HCN1: variants seen among roughly 807,000 people sequenced by gnomAD.
HCN1 encodes hyperpolarization activated cyclic nucleotide gated potassium channel 1, also known as potassium/sodium hyperpolarization-activated cyclic nucleotide-gated channel 1.
Under a neutral mutation model 78.9 loss-of-function variants are expected in HCN1, and 13 were observed. The observed-to-expected ratio is 0.16, with a 90% CI of 0.11 to 0.26. The LOEUF is 0.26. Among genes scored for constraint, HCN1 ranks in the 10% least tolerant of loss-of-function variants. HCN1 has a pLI of 1.00. For synonymous variants in HCN1, 552 were observed against 455.5 expected (o/e 1.21, Z -2.70); for missense variants, 810 against 1,154.3 (o/e 0.70, Z 4.32).
At chr5:45,677,241 A>T (rs541018951) in intron 1 of HCN1, among the ~76,000 whole-genome samples, 2 of 151,834 alleles carry the variant, frequency 1.3e-5, no homozygotes, top group African/African-American at 2.4e-5. Context: ...TCTTCCTCAC[A>T]AGATTGGAAG....
At chr5:45,611,057 CTTTTTT>C (rs35729058) in intron 2 of HCN1, among the ~76,000 whole-genome samples, 39 of 142,316 alleles carry the variant, frequency 2.7e-4, no homozygotes, top group Admixed American at 1.3e-3. Flanking sequence ...AAATTCTTTT[CTTTTTT>C]TTTTTTTGAC....
At chr5:45,542,664 G>T (rs374658301) in intron 2 of HCN1, among the ~76,000 whole-genome samples, 1 of 152,092 alleles carries the variant, frequency 6.6e-6, no homozygotes, top group African/African-American at 2.4e-5. Flanking sequence ...CACAACAGGC[G>T]TGAAATTCAC....
chr5:45,459,692 T>C (rs1275460879), intron 3 of HCN1, among the ~76,000 whole-genome samples: 2 of 152,140 alleles, frequency 1.3e-5, no homozygotes, highest in Admixed American at 1.3e-4. Flanking sequence ...ATAGTTATTT[T>C]ACTATATCTA....
intron 2 of HCN1, among the ~76,000 whole-genome samples, chr5:45,481,961 GAAAAACAAACAAA>G (rs1477122935): frequency 2.6e-5 from 3 of 117,570 alleles, no homozygotes; most frequent in South Asian, 2.7e-4. Flanking sequence ...AATCCTAAAA[GAAAAACAAACAAA>G]AAAAACAAAC....
chr5:45,274,218 T>C (rs1745010156), intron 6 of HCN1, among the ~76,000 whole-genome samples: 1 of 152,300 alleles, frequency 6.6e-6, no homozygotes, highest in East Asian at 1.9e-4. Context: ...TCAACTCACA[T>C]AGATACATTC....
chr5:45,391,625 T>A (rs2112035453), intron 4 of HCN1, among the ~76,000 whole-genome samples: 1 of 152,196 alleles, frequency 6.6e-6, no homozygotes. Flanking sequence ...GGAGGCTCCA[T>A]CATCTCCTGA....
At chr5:45,481,581 G>A (rs1464108037) in intron 2 of HCN1, among the ~76,000 whole-genome samples, 6 of 152,160 alleles carry the variant, frequency 3.9e-5, no homozygotes, top group African/African-American at 1.2e-4. Flanking sequence ...GGAAAGGAAC[G>A]TGTACTCTGA....
chr5:45,597,979 G>A (rs1009521447), intron 2 of HCN1, among the ~76,000 whole-genome samples: 1 of 152,080 alleles, frequency 6.6e-6, no homozygotes, highest in African/African-American at 2.4e-5. Context: ...CGTGAAAATG[G>A]CCATACTGCC....
chr5:45,516,054 T>C (rs1742511637), intron 2 of HCN1, among the ~76,000 whole-genome samples: 1 of 151,970 alleles, frequency 6.6e-6, no homozygotes. Flanking sequence ...ATCCCAGCCC[T>C]ATTCTTATTT....
intron 5 of HCN1, among the ~76,000 whole-genome samples, chr5:45,329,282 C>G (rs1387155487): frequency 1.3e-5 from 2 of 151,492 alleles, no homozygotes; most frequent in Admixed American, 6.6e-5. Flanking sequence ...TCCCCAGCCC[C>G]TGGTAACCTC....
chr5:45,320,175 C>T (rs1371902697), intron 5 of HCN1, among the ~76,000 whole-genome samples: 1 of 151,808 alleles, frequency 6.6e-6, no homozygotes. Flanking sequence ...CTTAGACATT[C>T]AAAAGACATC....
intron 6 of HCN1, among the ~76,000 whole-genome samples, chr5:45,290,210 C>A (rs1438905409): frequency 6.6e-6 from 1 of 151,978 alleles, no homozygotes; most frequent in African/African-American, 2.4e-5. Flanking sequence ...GTGAGGACTC[C>A]CCAGCCATGT....
intron 3 of HCN1, among the ~76,000 whole-genome samples, chr5:45,461,246 G>T (rs1348637904): frequency 6.6e-6 from 1 of 151,652 alleles, no homozygotes; most frequent in Non-Finnish European, 1.5e-5. Flanking sequence ...AAATTAAATA[G>T]GAATATACAT....
intron 2 of HCN1, among the ~76,000 whole-genome samples, chr5:45,588,792 G>T (rs1744296178): frequency 6.6e-6 from 1 of 152,092 alleles, no homozygotes; most frequent in South Asian, 2.1e-4. Context: ...GAATAAGAAT[G>T]TCATATAAGC....
At chr5:45,472,873 ATGTAGTCTT>A (rs1472574762) in intron 2 of HCN1, among the ~76,000 whole-genome samples, 2 of 151,856 alleles carry the variant, frequency 1.3e-5, no homozygotes, top group African/African-American at 4.8e-5. Flanking sequence ...CACAATATCC[ATGTAGTCTT>A]TGTCATCATT....
chr5:45,527,554 T>C (rs1742760191), intron 2 of HCN1, among the ~76,000 whole-genome samples: 1 of 151,650 alleles, frequency 6.6e-6, no homozygotes, highest in Non-Finnish European at 1.5e-5. Context: ...TTTCTCTCTC[T>C]TTCTCTCTCT....
intron 4 of HCN1, among the ~76,000 whole-genome samples, chr5:45,366,946 T>G (rs1346162244): frequency 1.3e-5 from 2 of 151,756 alleles, no homozygotes; most frequent in Non-Finnish European, 3.0e-5. Flanking sequence ...ACATAAATAT[T>G]AAGAAGATTT....
At chr5:45,679,951 A>G (rs1739673928) in intron 1 of HCN1, among the ~76,000 whole-genome samples, 1 of 152,108 alleles carries the variant, frequency 6.6e-6, no homozygotes, top group Non-Finnish European at 1.5e-5. Context: ...TTAAAATTAA[A>G]CCAAGCCTCT....
chr5:45,433,508 G>A (rs1478261031), intron 3 of HCN1, among the ~76,000 whole-genome samples: 1 of 151,180 alleles, frequency 6.6e-6, no homozygotes, highest in African/African-American at 2.4e-5. Context: ...GTATACCATT[G>A]GGTTTTGCTT....
Sources: gnomAD v4.1 joint callset for allele counts (sites outside exome capture counted in the v4.1 genomes callset) on GRCh38, gnomAD v4.1.1 for gene constraint, MANE v1.5 for transcripts, NCBI Gene and HGNC (gene_info 2026-07-23, HGNC 2026-07-21) for gene names.